Variants in TMEM255A observed in about 807,000 individuals in gnomAD.
The protein encoded by TMEM255A is family with sequence similarity 70, member A.
A neutral mutation model predicts 23.5 loss-of-function variants in TMEM255A; 14 were observed. That is an observed-to-expected ratio of 0.60 (90% CI 0.39 to 0.93). The LOEUF (loss-of-function observed/expected upper bound fraction) is 0.93, where lower values mean the gene tolerates loss of function less well. TMEM255A is among the 40% of genes least tolerant of loss of function. The pLI, the probability that TMEM255A is intolerant of heterozygous loss-of-function variation, is 0.00. For synonymous variants in TMEM255A, 104 were observed against 100.3 expected, an observed-to-expected ratio of 1.04 and a Z score of -0.22; for missense variants, 233 against 261.7, an observed-to-expected ratio of 0.89 and a Z score of 0.76.
intron 2 of TMEM255A, among the ~76,000 whole-genome samples, 189 bp from the exon 3 acceptor site, chrX:120,294,240 C>G (rs948741671): frequency 9.2e-6 from 1 of 109,276 alleles, no homozygotes; most frequent in Non-Finnish European, 1.9e-5. Flanking sequence ...CGAGACCATC[C>G]CGGCTAAAAC....
At chrX:120,273,880 A>G (rs1019533970) in intron 7 of TMEM255A, among the ~76,000 whole-genome samples, 1 of 112,330 alleles carries the variant, frequency 8.9e-6, no homozygotes, top group Non-Finnish European at 1.9e-5. Flanking sequence ...ACATAGAATT[A>G]CCAAATGACC....
intron 2 of TMEM255A, among the ~76,000 whole-genome samples, chrX:120,296,841 TATATATC>T (rs2057974744): frequency 2.2e-4 from 3 of 13,798 alleles, no homozygotes; most frequent in Non-Finnish European, 3.2e-4. Flanking sequence ...TGATATATAA[TATATATC>T]ATATATAATA....
chrX:120,278,543 C>T (rs781809105), intron 6 of TMEM255A, among the ~76,000 whole-genome samples: 1 of 111,802 alleles, frequency 8.9e-6, no homozygotes, highest in Non-Finnish European at 1.9e-5. Flanking sequence ...TACATAAATA[C>T]CTGTGGAATT....
intron 1 of TMEM255A, among the ~76,000 whole-genome samples, chrX:120,305,053 G>A (rs1177109851): frequency 1.8e-5 from 2 of 111,371 alleles, no homozygotes; most frequent in African/African-American, 6.6e-5. Context: ...GTATTGGCAA[G>A]ATTTGTCACA....
intron 4 of TMEM255A, 32 bp from the exon 5 acceptor site, chrX:120,287,254 T>G (rs1556022028): frequency 8.7e-7 from 1 of 1,147,042 alleles, no homozygotes; most frequent in South Asian, 1.8e-5. Context: ...CAAAGGGGTT[T>G]TGACTTTGGA....
intron 2 of TMEM255A, among the ~76,000 whole-genome samples, chrX:120,295,685 AT>A (rs1372222908): frequency 1.8e-5 from 2 of 112,000 alleles, no homozygotes; most frequent in African/African-American, 6.5e-5. Context: ...CAGCTCTTCT[AT>A]GTCTGTGTAA....
chrX:120,299,229 G>A (rs945382679), intron 2 of TMEM255A, among the ~76,000 whole-genome samples: 14 of 111,899 alleles, frequency 1.3e-4, no homozygotes, highest in African/African-American at 4.6e-4. Flanking sequence ...CTCTAGCCTC[G>A]AACTCCTGGG....
At chrX:120,268,512 T>C in intron 7 of TMEM255A, 125 bp from the exon 8 acceptor site, 1 of 446,723 alleles carries the variant, frequency 2.2e-6, no homozygotes, top group Non-Finnish European at 3.5e-6. Flanking sequence ...GTGGACCTAT[T>C]TAGAGAAGGT....
In TMEM255A at chrX:120,268,321, G is replaced by A. The variant is rs782722477; in HGVS notation, c.742C>T (p.His248Tyr). Reference sequence around the variant, plus strand: ...GTATTGTAGGATGCCACTTGGGGATGAGCATAGTAAGAAACTGTTGGATGG... The same window carrying A: ...GTATTGTAGGATGCCACTTGGGGATAAGCATAGTAAGAAACTGTTGGATGG... Reference protein sequence around the residue: ...NTHPTVSYYAHPQVASYNTYY... With the variant: ...NTHPTVSYYAYPQVASYNTYY... The change falls in exon 8 of 9, where the codon CAT (histidine) becomes TAT (tyrosine). Residue 248 changes from histidine (H) to tyrosine (Y), a missense_variant. Coordinates refer to ENST00000371369, the MANE Select transcript of TMEM255A (RefSeq NM_001104544.3). 1 of 1,210,388 alleles carries A rather than the reference G, an allele frequency of 8.3e-7. No individual in the cohort carries two copies. Among genetic ancestry groups the A allele is most frequent in the Non-Finnish European group, 1.1e-6 (1 of 894,294 alleles).
Position 120,260,267 on chromosome X carries a change from A to G in TMEM255A, c.*603T>C. Reference sequence around the variant, plus strand: ...TTCCCTTTAGGAGGTACCAATAACAAAAGCTGAGCTGAGTGATCACAACAG... The same window carrying G: ...TTCCCTTTAGGAGGTACCAATAACAGAAGCTGAGCTGAGTGATCACAACAG... On this transcript the variant is annotated 3_prime_UTR_variant, in exon 9 of 9. Transcript: ENST00000371369. The G allele has an allele frequency of 1.4e-6, 1 of 717,710 alleles. No homozygotes were observed. Among genetic ancestry groups the G allele is most frequent in the Non-Finnish European group, 1.7e-6 (1 of 605,610 alleles). 59.1% of individuals were successfully genotyped at this position (717,710 alleles called of 1,213,427 possible). A position where few individuals can be genotyped will look rare whatever the true frequency, so the allele number is the denominator to read the frequency against.
chrX:120,277,924 C>T (rs1003778743), intron 6 of TMEM255A, among the ~76,000 whole-genome samples: 1 of 111,932 alleles, frequency 8.9e-6, no homozygotes, highest in East Asian at 2.8e-4. Context: ...CCTCCAAATT[C>T]ATGTGTTAAA....
At chrX:120,298,525 A>G (rs1556025305) in intron 2 of TMEM255A, among the ~76,000 whole-genome samples, 14 of 111,926 alleles carry the variant, frequency 1.3e-4, no homozygotes, top group Non-Finnish European at 2.6e-4. Context: ...TTAAAAATCC[A>G]TGTTTTATTA....
chrX:120,278,194 G>T (rs1440162249), intron 6 of TMEM255A, among the ~76,000 whole-genome samples: 1 of 93,152 alleles, frequency 1.1e-5, no homozygotes, highest in Non-Finnish European at 2.0e-5. Flanking sequence ...AAAGGTCACT[G>T]TGAGCACAGA....
chrX:120,285,571 A>C, intron 5 of TMEM255A: 2 of 1,199,558 alleles, frequency 1.7e-6, no homozygotes, highest in Non-Finnish European at 2.3e-6. Context: ...AAAGAAGATA[A>C]GGTGGGAAGG....
intron 2 of TMEM255A, among the ~76,000 whole-genome samples, chrX:120,297,010 AT>A (rs1286639333): frequency 4.7e-4 from 2 of 4,286 alleles, no homozygotes; most frequent in African/African-American, 1.3e-3. Context: ...AATATATAAT[AT>A]TATATATATT....
chrX:120,309,421 G>A (rs2058084740), intron 1 of TMEM255A, among the ~76,000 whole-genome samples: 1 of 112,861 alleles, frequency 8.9e-6, no homozygotes, highest in South Asian at 3.6e-4. Flanking sequence ...ACAGAGCAGT[G>A]CGCCAAGTAG....
intron 8 of TMEM255A, among the ~76,000 whole-genome samples, chrX:120,266,905 T>C (rs782034433): frequency 1.8e-5 from 2 of 112,531 alleles, no homozygotes; most frequent in Admixed American, 9.4e-5. Flanking sequence ...TCTACCTGTG[T>C]ACACAGTAGG....
In TMEM255A at chrX:120,263,617, A is replaced by G. The variant is rs2057695101; in HGVS notation, c.820-2589T>C. 3.6e-5 allele frequency among the ~76,000 whole-genome samples: 4 copies of G among 111,661 alleles called. 1 individual carries two copies. Among genetic ancestry groups the G allele is most frequent in the Admixed American group, 1.9e-4 (2 of 10,549 alleles). On this transcript the variant is annotated intron_variant, in intron 8 of 8. Transcript: ENST00000371369. ...AACTGGCTGGTGATAATTACTAGTT[A>G]AAGACACTGTGTCCCAAGGGTAAAA...
At chrX:120,254,045 T>A, downstream of TMEM255A, 3 of 1,210,829 alleles carry the variant, frequency 2.5e-6, no homozygotes, top group Non-Finnish European at 3.4e-6. Flanking sequence ...CTTTGCCGAG[T>A]AATAACACAG....
Sources: gnomAD v4.1 joint callset for allele counts (sites outside exome capture counted in the v4.1 genomes callset) on GRCh38, gnomAD v4.1.1 for gene constraint, MANE v1.5 for transcripts, NCBI Gene and HGNC (gene_info 2026-07-23, HGNC 2026-07-21) for gene names.